CNTN5: variants seen among roughly 807,000 people sequenced by gnomAD.
The protein encoded by CNTN5 is contactin-5.
In CNTN5, 77 loss-of-function variants were observed where a neutral mutation model predicts 129.1. That is an observed-to-expected ratio of 0.60 (90% confidence interval 0.50 to 0.72). The LOEUF is 0.72. Among genes scored for constraint, CNTN5 ranks in the 30% least tolerant of loss-of-function variants. The probability of loss-of-function intolerance (pLI) is 0.00; values close to 1 mark genes in which losing one functional copy is unlikely to be tolerated. For synonymous variants in CNTN5, 509 were observed against 465.6 expected, an observed-to-expected ratio of 1.09 and a Z score of -1.20; for missense variants, 1,478 against 1,328.8, an observed-to-expected ratio of 1.11 and a Z score of -1.75.
chr11:100,085,321 C>G (rs571721144), intron 13 of CNTN5, among the ~76,000 whole-genome samples: 1 of 152,126 alleles, frequency 6.6e-6, no homozygotes, highest in East Asian at 1.9e-4. Context: ...TGCTGGTCCC[C>G]AGGTGCCTTC....
At position 99,920,611 on chromosome 11, in the gene CNTN5, C is replaced by A. The variant is rs192911474; in HGVS notation, c.673+4462C>A. Among the ~76,000 whole-genome samples the A allele has an allele frequency of 1.7e-4, 26 of 152,274 alleles. No homozygotes were observed. The East Asian group carries it at 4.8e-3, about 28-fold the overall frequency. Reference sequence around the variant, plus strand: ...CAGGCCTCAGAGCCATTCTTCACTTCTCACTTTCTCTACACCCTACATACA... The same window carrying A: ...CAGGCCTCAGAGCCATTCTTCACTTATCACTTTCTCTACACCCTACATACA... On this transcript the variant is annotated intron_variant, in intron 7 of 24. Transcript: ENST00000524871.
intron 9 of CNTN5, among the ~76,000 whole-genome samples, chr11:100,041,424 G>A (rs546981454): frequency 6.6e-6 from 1 of 152,316 alleles, no homozygotes; most frequent in East Asian, 1.9e-4. Flanking sequence ...CTAGAACATA[G>A]TAAGTACCTT....
chr11:99,491,413 G>A (rs945297090), intron 2 of CNTN5, among the ~76,000 whole-genome samples: 12 of 152,046 alleles, frequency 7.9e-5, no homozygotes, highest in Admixed American at 2.6e-4. Flanking sequence ...ATGATCAGAG[G>A]AATCCTTATT....
chr11:99,818,566 AG>A (rs1405863765), intron 3 of CNTN5, among the ~76,000 whole-genome samples: 1 of 122,680 alleles, frequency 8.2e-6, no homozygotes, highest in Non-Finnish European at 1.8e-5. Flanking sequence ...ACAAACTGCC[AG>A]AGTCTTAGAA....
At chr11:99,539,504 A>C (rs1948019818) in intron 2 of CNTN5, among the ~76,000 whole-genome samples, 1 of 152,092 alleles carries the variant, frequency 6.6e-6, no homozygotes, top group Admixed American at 6.6e-5. Flanking sequence ...CTAAGATAAA[A>C]ATATTTATGG....
At chr11:99,351,343 A>G (rs775990608) in intron 2 of CNTN5, among the ~76,000 whole-genome samples, 1 of 152,194 alleles carries the variant, frequency 6.6e-6, no homozygotes, top group Non-Finnish European at 1.5e-5. Context: ...ACAGACACTA[A>G]TGCTTACAGA....
intron 8 of CNTN5, among the ~76,000 whole-genome samples, chr11:99,965,440 G>T (rs902849321): frequency 6.6e-6 from 1 of 151,644 alleles, no homozygotes; most frequent in African/African-American, 2.4e-5. Context: ...TCAGGAGCAG[G>T]TTGTTCAGTT....
At chr11:100,060,701 G>A (rs1431523835) in intron 9 of CNTN5, among the ~76,000 whole-genome samples, 30 of 149,504 alleles carry the variant, frequency 2.0e-4, no homozygotes, top group East Asian at 2.0e-4. Context: ...GTGCAGTGGC[G>A]CGATCTCGGC....
At chr11:99,062,105 T>C (rs1293279787) in intron 1 of CNTN5, among the ~76,000 whole-genome samples, 1 of 152,128 alleles carries the variant, frequency 6.6e-6, no homozygotes, top group Non-Finnish European at 1.5e-5. Flanking sequence ...AGTGGAGTTA[T>C]TCAAGATGAA....
chr11:100,048,048 A>T (rs948021344), intron 9 of CNTN5, among the ~76,000 whole-genome samples: 5 of 152,064 alleles, frequency 3.3e-5, no homozygotes, highest in Admixed American at 2.6e-4. Context: ...GGAGAATGGC[A>T]TGAATCCCGA....
intron 3 of CNTN5, among the ~76,000 whole-genome samples, chr11:99,615,128 C>T (rs1311583504): frequency 2.7e-5 from 4 of 148,926 alleles, no homozygotes; most frequent in African/African-American, 4.9e-5. Flanking sequence ...TGTATCTTGC[C>T]GAGGAAGAGT....
chr11:99,494,517 C>T (rs1297571433), intron 2 of CNTN5, among the ~76,000 whole-genome samples: 2 of 152,026 alleles, frequency 1.3e-5, no homozygotes, highest in African/African-American at 4.8e-5. Flanking sequence ...TTGTTACTTT[C>T]TTGTAATGGG....
intron 3 of CNTN5, among the ~76,000 whole-genome samples, chr11:99,667,023 AATT>A (rs1273443089): frequency 1.3e-5 from 2 of 151,978 alleles, no homozygotes; most frequent in African/African-American, 2.4e-5. Context: ...TAATTAGAAT[AATT>A]ATTAGTATCA....
chr11:100,100,538 C>G (rs1945183198), intron 13 of CNTN5, among the ~76,000 whole-genome samples: 1 of 152,046 alleles, frequency 6.6e-6, no homozygotes, highest in African/African-American at 2.4e-5. Flanking sequence ...TGTCTGTAAA[C>G]TCTTTGAAGC....
chr11:99,534,677 C>T (rs1947837524), intron 2 of CNTN5, among the ~76,000 whole-genome samples: 1 of 151,998 alleles, frequency 6.6e-6, no homozygotes, highest in Non-Finnish European at 1.5e-5. Context: ...TATTGCTGTA[C>T]AAGTTGTGAC....
intron 1 of CNTN5, among the ~76,000 whole-genome samples, chr11:99,286,400 A>G (rs1863942426): frequency 6.6e-6 from 1 of 152,228 alleles, no homozygotes; most frequent in Non-Finnish European, 1.5e-5. Context: ...CTGCTTCAGC[A>G]TGATTTTGAA....
intron 21 of CNTN5, among the ~76,000 whole-genome samples, chr11:100,321,113 T>C (rs937420188): frequency 6.6e-6 from 1 of 152,150 alleles, no homozygotes; most frequent in Non-Finnish European, 1.5e-5. Flanking sequence ...AGAATTTTGA[T>C]AGTACAATGA....
chr11:99,297,472 ATGCTG>A (rs1864441800), intron 1 of CNTN5, among the ~76,000 whole-genome samples: 1 of 151,620 alleles, frequency 6.6e-6, no homozygotes, highest in African/African-American at 2.4e-5. Flanking sequence ...AGCAGATGAC[ATGCTG>A]TAGTGCCAAA....
chr11:100,044,176 A>G (rs1224937089), intron 9 of CNTN5, among the ~76,000 whole-genome samples: 14 of 151,868 alleles, frequency 9.2e-5, no homozygotes, highest in African/African-American at 3.1e-4. Context: ...TCATGTATAT[A>G]TATATATACG....
Sources: allele counts gnomAD v4.1 joint callset (sites outside exome capture counted in the v4.1 genomes callset), GRCh38; gene constraint gnomAD v4.1.1; transcripts MANE v1.5; gene names NCBI Gene and HGNC (gene_info 2026-07-23, HGNC 2026-07-21).